Variants in SUGP1 observed in about 807,000 individuals in gnomAD.
The protein encoded by SUGP1 is SURP and G-patch domain-containing protein 1.
A neutral mutation model predicts 76.5 loss-of-function variants in SUGP1; 34 were observed. The observed-to-expected ratio is 0.44, with a 90% CI of 0.34 to 0.59. SUGP1 has a LOEUF of 0.59. SUGP1 is among the 20% of genes least tolerant of loss of function. The probability of loss-of-function intolerance (pLI) is 0.01; values close to 1 mark genes in which losing one functional copy is unlikely to be tolerated. For synonymous variants in SUGP1, 326 were observed against 326.2 expected (o/e 1.00, Z 0.01); for missense variants, 752 against 851.7 (o/e 0.88, Z 1.46).
chr19:19,281,975 T>G (rs941283435), intron 8 of SUGP1, among the ~76,000 whole-genome samples: 1 of 152,094 alleles, frequency 6.6e-6, no homozygotes, highest in Non-Finnish European at 1.5e-5. Flanking sequence ...TGTCTGTCTC[T>G]TGAACTTTCT....
At chr19:19,298,426 A>G (rs1341450794) in intron 7 of SUGP1, among the ~76,000 whole-genome samples, 1 of 152,186 alleles carries the variant, frequency 6.6e-6, no homozygotes, top group Non-Finnish European at 1.5e-5. Context: ...CGAACCTGGG[A>G]GGCGGAGGTT....
At chr19:19,282,092 G>T (rs1380920699) in intron 8 of SUGP1, among the ~76,000 whole-genome samples, 2 of 152,152 alleles carry the variant, frequency 1.3e-5, no homozygotes, top group Non-Finnish European at 1.5e-5. Context: ...CAATTCTCCT[G>T]CCTCAGCCTC....
At chr19:19,308,999 T>A (rs1357935412) in intron 3 of SUGP1, among the ~76,000 whole-genome samples, 2 of 152,108 alleles carry the variant, frequency 1.3e-5, no homozygotes, top group African/African-American at 4.8e-5. Context: ...CCCGAGTAGC[T>A]GGGATTACAG....
At chr19:19,285,209 A>G (rs2061130630) in intron 8 of SUGP1, among the ~76,000 whole-genome samples, 1 of 151,116 alleles carries the variant, frequency 6.6e-6, no homozygotes, top group Admixed American at 6.6e-5. Flanking sequence ...TCTGTCACCC[A>G]GGATGGAGTG....
Position 19,280,146 on chromosome 19 carries a change from GCCGACCATGTCCCCGTCCCCTTGTCC to G in SUGP1, c.1350+13_1350+38del. 1 of 1,590,018 alleles carries G rather than the reference GCCGACCATGTCCCCGTCCCCTTGTCC, an allele frequency of 6.3e-7. No individual in the cohort carries two copies. Among genetic ancestry groups the G allele is most frequent in the Non-Finnish European group, 8.6e-7 (1 of 1,160,640 alleles). The stretch of plus-strand genomic sequence containing the variant: ...GGGTAGAGGACAACACTCTATGGGC[GCCGACCATGTCCCCGTCCCCTTGTCC>G]CCGCAGTCTTACCTCCTGCTGCTCC... On this transcript the variant is annotated intron_variant, in intron 9 of 13. Coordinates refer to ENST00000247001, the MANE Select transcript of SUGP1 (RefSeq NM_172231.4).
At chr19:19,306,216 G>T in intron 3 of SUGP1, 140 bp from the exon 4 acceptor site, 1 of 741,194 alleles carries the variant, frequency 1.3e-6, no homozygotes, top group Non-Finnish European at 2.1e-6. Context: ...AGGCCACCCT[G>T]ATTTTACAGA....
intron 1 of SUGP1, among the ~76,000 whole-genome samples, chr19:19,319,707 A>AAT (rs2061424376): frequency 1.7e-5 from 1 of 57,780 alleles, no homozygotes. Context: ...ACCCTGTCTC[A>AAT]AAAAAAAAAA....
intron 8 of SUGP1, among the ~76,000 whole-genome samples, chr19:19,289,755 A>AC (rs1282528643): frequency 3.3e-5 from 5 of 152,136 alleles, no homozygotes; most frequent in Non-Finnish European, 7.4e-5. Flanking sequence ...CTCAAAAAAA[A>AC]CAAAAAACAA....
chr19:19,277,651 A>G (rs2061064176), intron 12 of SUGP1, 83 bp downstream of exon 12: 3 of 1,537,288 alleles, frequency 2.0e-6, no homozygotes, highest in Non-Finnish European at 2.7e-6. Context: ...AAGCGATGAC[A>G]TAAAGGGGTG....
chr19:19,307,066 C>T (rs886625778), intron 3 of SUGP1, among the ~76,000 whole-genome samples: 1 of 151,588 alleles, frequency 6.6e-6, no homozygotes, highest in Non-Finnish European at 1.5e-5. Context: ...TTTTTAGTGA[C>T]AGGGTCTTGC....
intron 8 of SUGP1, among the ~76,000 whole-genome samples, chr19:19,291,099 A>G (rs563165960): frequency 4.6e-4 from 70 of 152,350 alleles, no homozygotes; most frequent in African/African-American, 1.7e-3. Flanking sequence ...CCTGGGTGAC[A>G]GAGTGAGACT....
At chr19:19,286,500 T>C (rs1293627357) in intron 8 of SUGP1, among the ~76,000 whole-genome samples, 1 of 151,844 alleles carries the variant, frequency 6.6e-6, no homozygotes, top group African/African-American at 2.4e-5. Flanking sequence ...TATAACAGAG[T>C]CCATGAAGGA....
intron 8 of SUGP1, among the ~76,000 whole-genome samples, chr19:19,286,773 G>A (rs2061143302): frequency 6.6e-6 from 1 of 152,178 alleles, no homozygotes; most frequent in South Asian, 2.1e-4. Context: ...GCCAGGCGCA[G>A]CGGGTCATGC....
At chr19:19,289,777 A>G (rs905553975) in intron 8 of SUGP1, among the ~76,000 whole-genome samples, 4 of 152,114 alleles carry the variant, frequency 2.6e-5, no homozygotes, top group African/African-American at 9.7e-5. Flanking sequence ...AAACAATAAC[A>G]AAAACAAAAA....
At chr19:19,283,777 A>G (rs999951953) in intron 8 of SUGP1, among the ~76,000 whole-genome samples, 1 of 151,818 alleles carries the variant, frequency 6.6e-6, no homozygotes, top group Non-Finnish European at 1.5e-5. Flanking sequence ...TAGTAGAGAC[A>G]GGGTTTCACC....
At chr19:19,300,380 G>A (rs2146612832) in intron 7 of SUGP1, among the ~76,000 whole-genome samples, 1 of 152,348 alleles carries the variant, frequency 6.6e-6, no homozygotes, top group East Asian at 1.9e-4. Context: ...CAGGCCTCCA[G>A]CTTCTTTATA....
intron 7 of SUGP1, among the ~76,000 whole-genome samples, chr19:19,300,891 G>A (rs1164163920): frequency 4.6e-5 from 7 of 152,190 alleles, no homozygotes; most frequent in African/African-American, 1.4e-4. Context: ...CATCAGGGGT[G>A]AGGCTGGGCT....
At chr19:19,302,413 G>A (rs1161106724) in intron 6 of SUGP1, 25 bp from the exon 7 acceptor site, 2 of 1,610,804 alleles carry the variant, frequency 1.2e-6, no homozygotes, top group Non-Finnish European at 1.7e-6. Flanking sequence ...TCAGTACTGG[G>A]CTCAACTCAC....
In SUGP1 at chr19:19,277,673, G is replaced by A. The variant is rs571947241; in HGVS notation, c.1781+61C>T. 5.0e-6 allele frequency: 8 copies of A among 1,586,108 alleles called. No individual in the cohort carries two copies. In the African/African-American group the frequency reaches 6.7e-5, roughly 13 times the overall value. ...GACATAAAGGGGTGGGAATGGGGAG[G>A]CGGCAGGGGACCCACAGACCCCAAG... is the stretch of plus-strand genomic sequence containing the variant. On this transcript the variant is annotated intron_variant, in intron 12 of 13. Transcript: ENST00000247001.
Sources: gnomAD v4.1 joint callset for allele counts (sites outside exome capture counted in the v4.1 genomes callset) on GRCh38, gnomAD v4.1.1 for gene constraint, MANE v1.5 for transcripts, NCBI Gene and HGNC (gene_info 2026-07-23, HGNC 2026-07-21) for gene names.